Variants in TMEM144 observed in about 807,000 individuals in gnomAD.
The protein encoded by TMEM144 is transmembrane protein 144.
A neutral mutation model predicts 43.6 loss-of-function variants in TMEM144; 39 were observed. The observed-to-expected ratio is 0.90, with a 90% confidence interval of 0.69 to 1.17. TMEM144 has a LOEUF of 1.17. Ranked by LOEUF, TMEM144 falls within the 50% of genes most tolerant of loss-of-function variation. The pLI, the probability that TMEM144 is intolerant of heterozygous loss-of-function variation, is 0.00. For synonymous variants in TMEM144, 154 were observed against 133.6 expected (o/e 1.15, Z -1.06); for missense variants, 417 against 411.9 (o/e 1.01, Z -0.11).
At chr4:158,229,634 A>G (rs1734966963) in intron 6 of TMEM144, among the ~76,000 whole-genome samples, 1 of 152,172 alleles carries the variant, frequency 6.6e-6, no homozygotes, top group African/African-American at 2.4e-5. Flanking sequence ...GACTATGGCC[A>G]ACCCTCCCAC....
rs563675997 is a variant in TMEM144 at position 158,219,408 on chromosome 4, G to C, written c.413+18G>C. On this transcript the variant is annotated intron_variant, in intron 6 of 12. Transcript: ENST00000296529. ...GTAGTAAGGTACACAGTCATTTCTA[G>C]TGATTTTGCTGTTCTTCAAAACATG... 1 of 1,607,686 alleles carries C rather than the reference G, an allele frequency of 6.2e-7. No individual in the cohort carries two copies. Among genetic ancestry groups the C allele is most frequent in the Non-Finnish European group, 8.5e-7 (1 of 1,174,992 alleles).
chr4:158,238,161 C>T (rs1735450158), intron 9 of TMEM144, among the ~76,000 whole-genome samples: 1 of 152,140 alleles, frequency 6.6e-6, no homozygotes. Context: ...TATGCAATAG[C>T]CTTGTACAGG....
At chr4:158,241,361 A>G (rs947364524) in intron 10 of TMEM144, 148 bp from the exon 11 acceptor site, 2 of 652,316 alleles carry the variant, frequency 3.1e-6, no homozygotes, top group Admixed American at 5.2e-5. Context: ...CTAAAATAAC[A>G]ATAAAACACA....
At chr4:158,250,195 C>CATATATATATATATATATATATATAT (rs5863314) in intron 12 of TMEM144, among the ~76,000 whole-genome samples, 1 of 135,540 alleles carries the variant, frequency 7.4e-6, no homozygotes, top group Non-Finnish European at 1.6e-5. Context: ...TAATACATAA[C>CATATATATATATATATATATATATAT]ATATATATAT....
At chr4:158,213,799 TC>T (rs1282956436) in intron 3 of TMEM144, 1 of 152,126 alleles carries the variant, frequency 6.6e-6, no homozygotes, top group East Asian at 1.9e-4. Context: ...TAGGATTACC[TC>T]CTATTTTCCT....
At position 158,253,506 on chromosome 4, in the gene TMEM144, C is replaced by T. The variant is rs747571965; in HGVS notation, c.1017C>T (p.Cys339=). The change falls in exon 13 of 13, where the codon TGC becomes TGT. Residue 339 remains cysteine, a synonymous_variant. Coordinates refer to ENST00000296529, the MANE Select transcript of TMEM144 (RefSeq NM_018342.5). ...GCATCATCTTGACTGGAGCCTTATG[C>T]ACTGCTTTTTCTAAAATCTAACAAT... ...AFCIILTGAL[C]TAFSKI is the part of the protein sequence containing the mutation. 6.2e-6 allele frequency: 10 copies of T among 1,613,612 alleles called. No individual in the cohort carries two copies. The highest frequency in any genetic ancestry group is 8.5e-6 in the Non-Finnish European group (10 of 1,179,796).
chr4:158,217,325 C>T lies in TMEM144; in HGVS notation c.237C>T (p.Asn79=), dbSNP rs1309359969. The T allele has an allele frequency of 5.6e-6, 9 of 1,606,306 alleles. No homozygotes were observed. The East Asian group carries it at 6.7e-5, about 12-fold the overall frequency. ...MLGGCIWATG[N]IAVVPIIKTI... ...TTCTGTATATTACATCTACAGGGAA[C>T]ATTGCTGTTGTCCCAATTATCAAAA... Residue 79 remains asparagine (N), a synonymous_variant, in exon 5 of 13, where the codon AAC becomes AAT. Coordinates refer to ENST00000296529, the MANE Select transcript of TMEM144 (RefSeq NM_018342.5).
At chr4:158,228,949 G>A (rs1312313986) in intron 6 of TMEM144, among the ~76,000 whole-genome samples, 1 of 152,064 alleles carries the variant, frequency 6.6e-6, no homozygotes, top group East Asian at 1.9e-4. Context: ...GCAAGCAGGG[G>A]GTAGTTGACT....
At chr4:158,241,124 G>A (rs896026022) in intron 10 of TMEM144, among the ~76,000 whole-genome samples, 1 of 150,446 alleles carries the variant, frequency 6.6e-6, no homozygotes, top group African/African-American at 2.5e-5. Context: ...AAATACTACA[G>A]GTTTTTTTTT....
chr4:158,228,188 C>T (rs865781058), intron 6 of TMEM144, among the ~76,000 whole-genome samples: 10 of 152,202 alleles, frequency 6.6e-5, no homozygotes, highest in African/African-American at 2.4e-5. Flanking sequence ...GATCAGGCCA[C>T]GCTTCCACTC....
chr4:158,243,760 G>A (rs1466472794), intron 11 of TMEM144, among the ~76,000 whole-genome samples: 1 of 151,272 alleles, frequency 6.6e-6, no homozygotes, highest in Non-Finnish European at 1.5e-5. Context: ...CCTTTTTTTA[G>A]CATTCATTGG....
intron 11 of TMEM144, among the ~76,000 whole-genome samples, chr4:158,242,404 A>G (rs1263818643): frequency 6.6e-6 from 1 of 152,164 alleles, no homozygotes; most frequent in African/African-American, 2.4e-5. Context: ...ACAATCTTAC[A>G]TTCTTCATTA....
chr4:158,235,337 G>T (rs1735285237), intron 7 of TMEM144, 101 bp from the exon 8 acceptor site: 1 of 1,184,638 alleles, frequency 8.4e-7, no homozygotes, highest in African/African-American at 1.5e-5. Flanking sequence ...ATATTTTAAA[G>T]CATGTTTGAA....
chr4:158,252,565 T>C (rs1002200384), intron 12 of TMEM144, among the ~76,000 whole-genome samples: 3 of 152,034 alleles, frequency 2.0e-5, no homozygotes, highest in African/African-American at 7.2e-5. Context: ...GACCCAAATT[T>C]GAGAGGCAGA....
chr4:158,231,567 A>G (rs376248330), intron 6 of TMEM144, among the ~76,000 whole-genome samples: 42 of 152,302 alleles, frequency 2.8e-4, no homozygotes, highest in African/African-American at 9.6e-4. Flanking sequence ...AAAGAGGAAG[A>G]TTCAGTGAGG....
At chr4:158,245,549 T>C (rs1735849998) in intron 12 of TMEM144, among the ~76,000 whole-genome samples, 1 of 152,098 alleles carries the variant, frequency 6.6e-6, no homozygotes, top group South Asian at 2.1e-4. Context: ...TGAGAGAATA[T>C]GAGTAAAGTG....
At chr4:158,229,990 A>G (rs1734992416) in intron 6 of TMEM144, among the ~76,000 whole-genome samples, 1 of 152,218 alleles carries the variant, frequency 6.6e-6, no homozygotes, top group African/African-American at 2.4e-5. Context: ...CTTAGGCAGC[A>G]GGCAGCTGCA....
At chr4:158,241,033 A>C (rs1304067516) in intron 10 of TMEM144, among the ~76,000 whole-genome samples, 1 of 152,224 alleles carries the variant, frequency 6.6e-6, no homozygotes, top group Non-Finnish European at 1.5e-5. Context: ...TTTATGCTAA[A>C]GAATGCCACC....
intron 11 of TMEM144, among the ~76,000 whole-genome samples, chr4:158,242,569 A>G (rs1463787525): frequency 6.6e-6 from 1 of 152,190 alleles, no homozygotes; most frequent in Admixed American, 6.5e-5. Context: ...TCTCAGGTAT[A>G]CATATTCCCA....
Sources: allele counts gnomAD v4.1 joint callset (sites outside exome capture counted in the v4.1 genomes callset), GRCh38; gene constraint gnomAD v4.1.1; transcripts MANE v1.5; gene names NCBI Gene and HGNC (gene_info 2026-07-23, HGNC 2026-07-21).